Variants in CLSTN2 observed in about 807,000 individuals in gnomAD.
CLSTN2 encodes calsyntenin-2.
Under a neutral mutation model 101.2 loss-of-function variants are expected in CLSTN2, and 48 were observed. That is an observed-to-expected ratio of 0.47 (90% CI 0.38 to 0.60). The LOEUF (loss-of-function observed/expected upper bound fraction) is 0.60. CLSTN2 is among the 20% of genes least tolerant of loss of function. The pLI, the probability that CLSTN2 is intolerant of heterozygous loss-of-function variation, is 0.00. For synonymous variants in CLSTN2, 481 were observed against 463.6 expected, an observed-to-expected ratio of 1.04 and a Z score of -0.48; for missense variants, 1,160 against 1,238.2, an observed-to-expected ratio of 0.94 and a Z score of 0.95.
intron 8 of CLSTN2, among the ~76,000 whole-genome samples, chr3:140,512,754 G>A (rs1934840040): frequency 6.6e-6 from 1 of 152,168 alleles, no homozygotes; most frequent in South Asian, 2.1e-4. Flanking sequence ...ATCATAGAAT[G>A]TCTTTCCATT....
rs1281854174 is a variant in CLSTN2 at position 139,952,297 on chromosome 3, G to T, written c.109+16814G>T. Reference sequence around the variant, plus strand: ...CGTCACCATATTTTCGATTATAATGGATGATGGGCTATGAATTTTAAAAAC... The same window carrying T: ...CGTCACCATATTTTCGATTATAATGTATGATGGGCTATGAATTTTAAAAAC... On this transcript the variant is annotated intron_variant, in intron 1 of 16. Transcript: ENST00000458420. Among the ~76,000 whole-genome samples the T allele has an allele frequency of 2.6e-5, 4 of 152,138 alleles. No individual in the cohort carries two copies. The East Asian group carries it at 5.8e-4, about 22-fold the overall frequency.
At chr3:140,538,368 C>G (rs1384660225) in intron 9 of CLSTN2, among the ~76,000 whole-genome samples, 1 of 152,164 alleles carries the variant, frequency 6.6e-6, no homozygotes, top group Non-Finnish European at 1.5e-5. Context: ...GAAGCTGTTT[C>G]TAAATATTAG....
chr3:140,344,591 A>C, intron 2 of CLSTN2, among the ~76,000 whole-genome samples: 1 of 152,110 alleles, frequency 6.6e-6, no homozygotes, highest in Non-Finnish European at 1.5e-5. Flanking sequence ...CTGGGGGTCC[A>C]ACTACCGCAC....
intron 2 of CLSTN2, among the ~76,000 whole-genome samples, chr3:140,320,601 G>GT (rs1336327111): frequency 8.1e-4 from 108 of 133,762 alleles, no homozygotes; most frequent in Middle Eastern, 3.7e-3. Context: ...TTGTATTTGT[G>GT]TTTTTTTTGC....
chr3:140,256,354 A>G (rs960560911), intron 2 of CLSTN2, among the ~76,000 whole-genome samples: 3 of 152,226 alleles, frequency 2.0e-5, no homozygotes, highest in Middle Eastern at 3.2e-3. Flanking sequence ...TGATCAAACT[A>G]GTCCCCTGTG....
At chr3:140,073,557 G>T (rs937932434) in intron 1 of CLSTN2, among the ~76,000 whole-genome samples, 7 of 152,286 alleles carry the variant, frequency 4.6e-5, no homozygotes, top group African/African-American at 1.7e-4. Flanking sequence ...CCTCATTCAT[G>T]GTGCCATGCA....
intron 1 of CLSTN2, among the ~76,000 whole-genome samples, chr3:140,125,521 C>A (rs1361788346): frequency 6.6e-6 from 1 of 151,956 alleles, no homozygotes; most frequent in Non-Finnish European, 1.5e-5. Context: ...GATTTCCTCT[C>A]TTTTTTAAAA....
chr3:140,443,632 C>T (rs1055456001), intron 5 of CLSTN2, among the ~76,000 whole-genome samples: 1 of 152,170 alleles, frequency 6.6e-6, no homozygotes, highest in Non-Finnish European at 1.5e-5. Context: ...AAAATTGAAC[C>T]ACAATTCATA....
intron 2 of CLSTN2, among the ~76,000 whole-genome samples, chr3:140,314,839 A>G (rs1161417543): frequency 6.6e-6 from 1 of 151,992 alleles, no homozygotes; most frequent in Non-Finnish European, 1.5e-5. Flanking sequence ...TCCTGGGGAC[A>G]TTGGTGTAAC....
chr3:139,988,037 A>G (rs1186965786), intron 1 of CLSTN2, among the ~76,000 whole-genome samples: 1 of 152,158 alleles, frequency 6.6e-6, no homozygotes, highest in Non-Finnish European at 1.5e-5. Flanking sequence ...CCAGCACTAG[A>G]TATCTTCCAG....
chr3:140,247,139 G>C (rs569052034), intron 2 of CLSTN2, among the ~76,000 whole-genome samples: 1 of 152,274 alleles, frequency 6.6e-6, no homozygotes, highest in East Asian at 1.9e-4. Context: ...GATCATGAAA[G>C]GGCCTTGACA....
chr3:140,482,917 AAG>A (rs1284501600), intron 8 of CLSTN2, among the ~76,000 whole-genome samples: 1 of 151,906 alleles, frequency 6.6e-6, no homozygotes, highest in Non-Finnish European at 1.5e-5. Context: ...TGATTTTTTG[AAG>A]AGTCTTTTTT....
At chr3:140,433,018 A>G (rs2088650669) in intron 5 of CLSTN2, among the ~76,000 whole-genome samples, 2 of 152,214 alleles carry the variant, frequency 1.3e-5, no homozygotes, top group African/African-American at 4.8e-5. Flanking sequence ...ACAGCTAGTA[A>G]TATTGAGGCC....
At chr3:140,285,577 T>G (rs2086888405) in intron 2 of CLSTN2, among the ~76,000 whole-genome samples, 1 of 152,190 alleles carries the variant, frequency 6.6e-6, no homozygotes. Flanking sequence ...TTTTGAAATA[T>G]GAGCCAGCAC....
chr3:140,473,775 T>G (rs888743862), intron 8 of CLSTN2, among the ~76,000 whole-genome samples: 1 of 152,076 alleles, frequency 6.6e-6, no homozygotes, highest in Non-Finnish European at 1.5e-5. Flanking sequence ...TTTGTTTTTT[T>G]GAGACAGAGT....
At chr3:140,366,016 C>T (rs1203862870) in intron 2 of CLSTN2, among the ~76,000 whole-genome samples, 4 of 152,178 alleles carry the variant, frequency 2.6e-5, no homozygotes, top group African/African-American at 9.7e-5. Flanking sequence ...ACCCTCTCCA[C>T]GCACAGCTGC....
At chr3:140,082,053 C>A (rs2008607455) in intron 1 of CLSTN2, among the ~76,000 whole-genome samples, 1 of 152,180 alleles carries the variant, frequency 6.6e-6, no homozygotes, top group Non-Finnish European at 1.5e-5. Flanking sequence ...ATTAGAGGTG[C>A]TAAAACACCT....
chr3:140,392,866 T>C (rs573424040), intron 2 of CLSTN2, among the ~76,000 whole-genome samples: 9 of 152,094 alleles, frequency 5.9e-5, no homozygotes, highest in Non-Finnish European at 1.3e-4. Flanking sequence ...TTTACAGTTA[T>C]GGAGGGTGAG....
chr3:140,183,184 T>C (rs1185208258), intron 2 of CLSTN2, among the ~76,000 whole-genome samples: 1 of 152,194 alleles, frequency 6.6e-6, no homozygotes, highest in Non-Finnish European at 1.5e-5. Context: ...AGACTATTGA[T>C]AGATCCTGCT....
Sources: allele counts gnomAD v4.1 joint callset (sites outside exome capture counted in the v4.1 genomes callset), GRCh38; gene constraint gnomAD v4.1.1; transcripts MANE v1.5; gene names NCBI Gene and HGNC (gene_info 2026-07-23, HGNC 2026-07-21).